Variants in GPR161 observed in about 807,000 individuals in gnomAD.
GPR161 encodes the protein G-protein coupled receptor RE2.
Under a neutral mutation model 39.2 loss-of-function variants are expected in GPR161, and 25 were observed. The ratio of observed to expected loss-of-function variants is 0.64; its 90% CI spans 0.47 to 0.89. The LOEUF is 0.89. GPR161 is among the 40% of genes least tolerant of loss of function. GPR161 has a pLI of 0.00. For missense variants in GPR161, 547 were observed against 677.8 expected (o/e 0.81, Z 2.14); for synonymous variants, 286 against 276.6 (o/e 1.03, Z -0.34).
Position 168,104,908 on chromosome 1 carries a change from G to C in GPR161, c.-44-14C>G, listed in dbSNP as rs751599849. The stretch of plus-strand genomic sequence containing the variant: ...CATGCTGGACGACTGGAAAGATAAG[G>C]CAGGACCAGGGGACAGGAAAAGATT... On this transcript the variant is annotated splice_polypyrimidine_tract_variant and intron_variant, in intron 1 of 5. Transcript: ENST00000682931. 1 of 1,587,920 alleles carries C rather than the reference G, an allele frequency of 6.3e-7. No individual in the cohort carries two copies. The highest frequency in any genetic ancestry group is 1.3e-5 in the African/African-American group (1 of 74,406).
chr1:168,137,056 TCC>T, upstream of GPR161: 2 of 194,536 alleles, frequency 1.0e-5, no homozygotes, highest in Non-Finnish European at 1.3e-5. Context: ...CCGGCGCCCC[TCC>T]CCACCCGCGC....
intron 3 of GPR161, among the ~76,000 whole-genome samples, chr1:168,091,768 G>A (rs985959794): frequency 5.3e-5 from 8 of 152,170 alleles, no homozygotes; most frequent in African/African-American, 1.9e-4. Context: ...ATAAAAAAAA[G>A]AGCTGCAGGC....
At chr1:168,134,943 C>T in intron 1 of GPR161, 1 of 1,535,658 alleles carries the variant, frequency 6.5e-7, no homozygotes, top group South Asian at 1.2e-5. Context: ...CCAGTTCAGC[C>T]CATTCTGTCT....
rs185180748 is a variant in GPR161, at chr1:168,083,879, A to G, written c.*1652T>C. On this transcript the variant is annotated 3_prime_UTR_variant, in exon 6 of 6. Coordinates refer to ENST00000682931, the MANE Select transcript of GPR161 (RefSeq NM_001375883.1). ...CTCACCAGGAGCTAGCTGGGCCCCAAAGAAAAAACCACAAGGGTAATTCAC... is the reference window on the plus strand; with the variant it reads ...CTCACCAGGAGCTAGCTGGGCCCCAGAGAAAAAACCACAAGGGTAATTCAC... 2.1e-4 allele frequency: 32 copies of G among 152,122 alleles called. No homozygotes were observed. Among genetic ancestry groups the G allele is most frequent in the Admixed American group, 6.5e-5 (1 of 15,306 alleles). The allele number at this position is 152,122 out of a possible 1,614,324, so 9.4% of individuals were successfully genotyped here. A position where few individuals can be genotyped will look rare whatever the true frequency, so the allele number is the denominator to read the frequency against.
At chr1:168,091,369 T>G (rs1456774723) in intron 3 of GPR161, among the ~76,000 whole-genome samples, 1 of 152,102 alleles carries the variant, frequency 6.6e-6, no homozygotes, top group Non-Finnish European at 1.5e-5. Flanking sequence ...TTGTGGAAAT[T>G]TACATATTAA....
rs114306833 is a variant in GPR161 at position 168,089,921 on chromosome 1, G to A, written c.1204+643C>T. Among the ~76,000 whole-genome samples the A allele has an allele frequency of 7.1e-3, 1,077 of 152,336 alleles. 12 individuals carry two copies. Among genetic ancestry groups the A allele is most frequent in the African/African-American group, 0.024 (1,007 of 41,586 alleles). ...AAGATCCTTTAGGCAGAGGCTAAAG[G>A]GAGGGCTCTGCAGGATTTGTGGTGG... On this transcript the variant is annotated intron_variant, in intron 4 of 5. Transcript: ENST00000682931.
At chr1:168,100,938 G>A (rs1235487491) in intron 2 of GPR161, among the ~76,000 whole-genome samples, 2 of 152,154 alleles carry the variant, frequency 1.3e-5, no homozygotes, top group Non-Finnish European at 2.9e-5. Context: ...CAGTGGAACC[G>A]CTGGCAGGTC....
chr1:168,135,896 G>T, intron 1 of GPR161: 1 of 406,292 alleles, frequency 2.5e-6, no homozygotes, highest in Non-Finnish European at 3.5e-6. Context: ...AGGGATGAAA[G>T]TACAATAACA....
intron 4 of GPR161, among the ~76,000 whole-genome samples, chr1:168,089,968 C>T (rs1369368430): frequency 3.3e-5 from 5 of 152,210 alleles, no homozygotes; most frequent in Non-Finnish European, 5.9e-5. Context: ...TACAGGGAGA[C>T]TGAGTTTCAT....
chr1:168,087,452 G>C, intron 5 of GPR161, 133 bp downstream of exon 5: 3 of 1,050,260 alleles, frequency 2.9e-6, no homozygotes, highest in South Asian at 2.8e-5. Context: ...AGGGCTGGGA[G>C]TAACCAGGGA....
At chr1:168,108,513 C>A (rs1180231612) in intron 1 of GPR161, among the ~76,000 whole-genome samples, 261 of 15,256 alleles carry the variant, frequency 0.017, no homozygotes, top group South Asian at 0.031. Flanking sequence ...AAAAAAAAAA[C>A]TGGAAATAAG....
At position 168,083,563 on chromosome 1, in the gene GPR161, A is replaced by T. The variant is rs1182593199; in HGVS notation, c.*1968T>A. On this transcript the variant is annotated 3_prime_UTR_variant, in exon 6 of 6. Coordinates refer to ENST00000682931, the MANE Select transcript of GPR161 (RefSeq NM_001375883.1). ...CCTTCAGAAAGTAGACAAGTGCTAG[A>T]AAAAAATATATACAGGGAATATATA... 2.0e-5 allele frequency: 3 copies of T among 152,248 alleles called. No individual in the cohort carries two copies. The highest frequency in any genetic ancestry group is 4.4e-5 in the Non-Finnish European group (3 of 68,060). The allele number at this position is 152,248 out of a possible 1,614,324, so 9.4% of individuals were successfully genotyped here. A position where few individuals can be genotyped will look rare whatever the true frequency, so the allele number is the denominator to read the frequency against.
Position 168,083,941 on chromosome 1 carries a change from C to G in GPR161, c.*1590G>C, listed in dbSNP as rs1290692224. 6.6e-6 allele frequency: 1 copy of G among 152,296 alleles called. No homozygotes were observed. Among genetic ancestry groups the G allele is most frequent in the Non-Finnish European group, 1.5e-5 (1 of 68,088 alleles). The allele number at this position is 152,296 out of a possible 1,614,324, so 9.4% of individuals were successfully genotyped here. ...GCTGCCTCTCAGCAACCAGCAAGATCTCCTTGGAATCTACCTTCTGCCAAC... is the reference window on the plus strand; with the variant it reads ...GCTGCCTCTCAGCAACCAGCAAGATGTCCTTGGAATCTACCTTCTGCCAAC... On this transcript the variant is annotated 3_prime_UTR_variant, in exon 6 of 6. Transcript: ENST00000682931.
At chr1:168,130,207 C>T (rs75346642) in intron 1 of GPR161, among the ~76,000 whole-genome samples, 3,861 of 152,308 alleles carry the variant, frequency 0.025, 75 homozygotes, top group Middle Eastern at 0.054. Flanking sequence ...TATCTCTTAC[C>T]CTTGTCCAGC....
At chr1:168,090,511 C>A (rs370551471) in intron 4 of GPR161, 53 bp downstream of exon 4, 2 of 1,066,432 alleles carry the variant, frequency 1.9e-6, no homozygotes, top group Non-Finnish European at 2.9e-6. Flanking sequence ...ACGGGGGAAA[C>A]GCAACACAGG....
rs1453079787 is a variant in GPR161 at position 168,119,258 on chromosome 1, GTATATATATGTGTATATATA to G, written c.-44-14384_-44-14365del. On this transcript the variant is annotated intron_variant, in intron 1 of 5. Coordinates refer to ENST00000682931, the MANE Select transcript of GPR161 (RefSeq NM_001375883.1). Reference sequence around the variant, plus strand: ...TATATATATACACATATATATATACGTATATATATGTGTATATATATATATATATACACATATATACATAC... The same window carrying G: ...TATATATATACACATATATATATACGTATATATATACACATATATACATAC... 5.3e-5 allele frequency among the ~76,000 whole-genome samples: 5 copies of G among 94,958 alleles called. No homozygotes were observed. The East Asian group carries it at 1.5e-3, about 29-fold the overall frequency. 62.3% of individuals were successfully genotyped at this position (94,958 alleles called of 152,430 possible).
intron 4 of GPR161, 40 bp downstream of exon 4, chr1:168,090,524 A>G: frequency 8.2e-7 from 1 of 1,213,560 alleles, no homozygotes; most frequent in Non-Finnish European, 1.2e-6. Context: ...AACACAGGGA[A>G]AACGCGACAG....
rs562575090 is a variant in GPR161 at position 168,134,166 on chromosome 1, T to C, written c.-45+2573A>G. Among the ~76,000 whole-genome samples the C allele has an allele frequency of 2.6e-5, 4 of 152,312 alleles. No homozygotes were observed. The South Asian group carries it at 8.3e-4, about 32-fold the overall frequency. Reference sequence around the variant, plus strand: ...TCAGATAGTGCTCTTAACACAGTGTTCTCTCACCCATTGCTTGAGTATAAA... The same window carrying C: ...TCAGATAGTGCTCTTAACACAGTGTCCTCTCACCCATTGCTTGAGTATAAA... On this transcript the variant is annotated intron_variant, in intron 1 of 5. Coordinates refer to ENST00000682931, the MANE Select transcript of GPR161 (RefSeq NM_001375883.1).
At chr1:168,124,511 G>A (rs1446667841) in intron 1 of GPR161, among the ~76,000 whole-genome samples, 1 of 152,092 alleles carries the variant, frequency 6.6e-6, no homozygotes, top group Non-Finnish European at 1.5e-5. Flanking sequence ...ATTTTGACTT[G>A]GGAAAAACCT....
Sources: gnomAD v4.1 joint callset for allele counts (sites outside exome capture counted in the v4.1 genomes callset) on GRCh38, gnomAD v4.1.1 for gene constraint, MANE v1.5 for transcripts, NCBI Gene and HGNC (gene_info 2026-07-23, HGNC 2026-07-21) for gene names.